Variants in CSMD1 observed in about 807,000 individuals in gnomAD.
The protein encoded by CSMD1 is CUB and sushi domain-containing protein 1.
CSMD1 carries 213 observed loss-of-function variants against 417.5 expected under a neutral mutation model. The ratio of observed to expected loss-of-function variants is 0.51; its 90% CI spans 0.46 to 0.57. The LOEUF is 0.57. CSMD1 is among the 20% of genes least tolerant of loss of function. The probability of loss-of-function intolerance (pLI) is 0.00; values close to 1 mark genes in which losing one functional copy is unlikely to be tolerated. For missense variants in CSMD1, 6,923 were observed against 4,529.7 expected (o/e 1.53, Z -15.17); for synonymous variants, 2,862 against 1,736.8 (o/e 1.65, Z -16.11).
chr8:3,635,752 G>C (rs185375385), intron 7 of CSMD1, among the ~76,000 whole-genome samples: 17 of 142,676 alleles, frequency 1.2e-4, no homozygotes, highest in African/African-American at 4.6e-4. Flanking sequence ...CGAAGTGCTG[G>C]GATTACAGGT....
chr8:3,131,658 G>C (rs1169441437), intron 41 of CSMD1, among the ~76,000 whole-genome samples: 3 of 152,006 alleles, frequency 2.0e-5, no homozygotes, highest in South Asian at 2.1e-4. Context: ...TTTAAGTAGA[G>C]ACGGGGTTTT....
At chr8:4,632,782 G>A (rs892937516) in intron 2 of CSMD1, among the ~76,000 whole-genome samples, 9 of 152,152 alleles carry the variant, frequency 5.9e-5, no homozygotes, top group African/African-American at 2.2e-4. Flanking sequence ...AATGCCTAGG[G>A]AAGATTTCCT....
At chr8:4,022,664 T>A (rs2554582) in intron 4 of CSMD1, among the ~76,000 whole-genome samples, 2 of 151,696 alleles carry the variant, frequency 1.3e-5, no homozygotes, top group Non-Finnish European at 2.9e-5. Flanking sequence ...GGGAGAGAAA[T>A]GTGGTAGATT....
At chr8:4,783,665 G>T (rs1797265965) in intron 1 of CSMD1, among the ~76,000 whole-genome samples, 1 of 152,142 alleles carries the variant, frequency 6.6e-6, no homozygotes, top group African/African-American at 2.4e-5. Flanking sequence ...TGAACAGGCT[G>T]AAGCCAGCCC....
chr8:3,555,023 G>A (rs117873202), intron 10 of CSMD1, among the ~76,000 whole-genome samples: 1 of 152,084 alleles, frequency 6.6e-6, no homozygotes, highest in African/African-American at 2.4e-5. Flanking sequence ...AAGGGAAGAA[G>A]ACTGTGCGTG....
At chr8:4,004,377 G>C (rs1410697341) in intron 4 of CSMD1, among the ~76,000 whole-genome samples, 3 of 151,036 alleles carry the variant, frequency 2.0e-5, no homozygotes, top group African/African-American at 4.9e-5. Flanking sequence ...AAACATATTA[G>C]AGATGCTGTT....
chr8:3,495,760 C>T (rs1418144613), intron 10 of CSMD1, among the ~76,000 whole-genome samples: 1 of 152,170 alleles, frequency 6.6e-6, no homozygotes, highest in Non-Finnish European at 1.5e-5. Context: ...AAGGATAATA[C>T]ATTTCAAGTT....
intron 64 of CSMD1, among the ~76,000 whole-genome samples, 196 bp from the exon 65 acceptor site, chr8:2,954,464 T>G (rs188091200): frequency 1.3e-3 from 194 of 152,288 alleles, no homozygotes; most frequent in African/African-American, 4.3e-3. Context: ...AAGCGGAGTT[T>G]AAGGATGAAA....
chr8:4,157,194 T>A (rs1457300924), intron 3 of CSMD1, among the ~76,000 whole-genome samples: 1 of 152,172 alleles, frequency 6.6e-6, no homozygotes, highest in Non-Finnish European at 1.5e-5. Flanking sequence ...TGACGATGTA[T>A]GAAATTTACA....
intron 1 of CSMD1, among the ~76,000 whole-genome samples, chr8:4,797,593 G>C (rs138115031): frequency 6.6e-6 from 1 of 152,136 alleles, no homozygotes; most frequent in Admixed American, 6.5e-5. Context: ...TTATTCCAGG[G>C]TATGGGGGGA....
At position 4,138,136 on chromosome 8, in the gene CSMD1, C is replaced by T. The variant is rs1263654888; in HGVS notation, c.416-106037G>A. On this transcript the variant is annotated intron_variant, in intron 3 of 69. Coordinates refer to ENST00000635120, the MANE Select transcript of CSMD1 (RefSeq NM_033225.6). ...TTCACCGTGTTACCCAGGATGGTCT[C>T]AATCTCCTGACCTCATGATCCTCCC... Among the ~76,000 whole-genome samples, 7 of 132,094 alleles carry T rather than the reference C, an allele frequency of 5.3e-5. 2 individuals are homozygous for T. Among genetic ancestry groups the T allele is most frequent in the Non-Finnish European group, 1.1e-4 (7 of 64,504 alleles). The allele number at this position is 132,094 out of a possible 152,430, so 86.7% of individuals were successfully genotyped here.
At chr8:3,622,564 A>G (rs561004486) in intron 7 of CSMD1, among the ~76,000 whole-genome samples, 10 of 152,344 alleles carry the variant, frequency 6.6e-5, no homozygotes, top group Admixed American at 1.3e-4. Context: ...GTCACTTACT[A>G]AAAAAAGGTT....
chr8:4,561,500 T>C (rs554099522), intron 2 of CSMD1, among the ~76,000 whole-genome samples: 2 of 152,130 alleles, frequency 1.3e-5, no homozygotes, highest in African/African-American at 4.8e-5. Flanking sequence ...CTGGGCAACA[T>C]GGTGAAACCC....
chr8:3,562,640 G>C (rs561576990), intron 10 of CSMD1, among the ~76,000 whole-genome samples: 3 of 151,778 alleles, frequency 2.0e-5, no homozygotes, highest in Non-Finnish European at 2.9e-5. Flanking sequence ...AAATATCCTG[G>C]ATCTGTGAAA....
At position 2,938,347 on chromosome 8, in the gene CSMD1, C is replaced by G. The variant is rs144430065; in HGVS notation, c.*238G>C. On this transcript the variant is annotated 3_prime_UTR_variant, in exon 70 of 70. Transcript: ENST00000635120. ...TCCTGGAGTGTGCCTTGATTTCATA[C>G]AGATGCAGCCAGGCATTTAGAACCC... 3 of 449,842 alleles carry G rather than the reference C, an allele frequency of 6.7e-6. No individual in the cohort carries two copies. Among genetic ancestry groups the G allele is most frequent in the African/African-American group, 6.0e-5 (3 of 50,118 alleles). The allele number at this position is 449,842 out of a possible 1,614,324, so 27.9% of individuals were successfully genotyped here.
chr8:3,654,175 C>T (rs1797991042), intron 7 of CSMD1, among the ~76,000 whole-genome samples: 1 of 152,192 alleles, frequency 6.6e-6, no homozygotes, highest in Non-Finnish European at 1.5e-5. Context: ...TCACTGAAGA[C>T]ATCATTCTCA....
chr8:3,423,231 G>T (rs1380077477), intron 12 of CSMD1, among the ~76,000 whole-genome samples: 1 of 152,068 alleles, frequency 6.6e-6, no homozygotes, highest in Non-Finnish European at 1.5e-5. Context: ...TTAATTTGAC[G>T]AATTTGACTA....
At chr8:3,230,334 A>C in intron 26 of CSMD1, 103 bp from the exon 27 acceptor site, 1 of 856,572 alleles carries the variant, frequency 1.2e-6, no homozygotes, top group South Asian at 2.3e-5. Flanking sequence ...TCATTGGCCT[A>C]ATAAGTCATT....
intron 2 of CSMD1, among the ~76,000 whole-genome samples, chr8:4,605,618 C>A (rs1800824733): frequency 6.6e-6 from 1 of 152,142 alleles, no homozygotes; most frequent in South Asian, 2.1e-4. Context: ...CTAACCATGA[C>A]CTTTCCTAGT....
Sources: gnomAD v4.1 joint callset for allele counts (sites outside exome capture counted in the v4.1 genomes callset) on GRCh38, gnomAD v4.1.1 for gene constraint, MANE v1.5 for transcripts, NCBI Gene and HGNC (gene_info 2026-07-23, HGNC 2026-07-21) for gene names.